The following SOS2 variants were observed in gnomAD, a reference collection of about 807,000 sequenced individuals.
SOS2 encodes the protein SOS Ras/Rho guanine nucleotide exchange factor 2.
A neutral mutation model predicts 148.2 loss-of-function variants in SOS2; 65 were observed. The ratio of observed to expected loss-of-function variants is 0.44; its 90% CI spans 0.36 to 0.54. SOS2 has a LOEUF of 0.54. Ranked by LOEUF, SOS2 falls within the 20% of genes least tolerant of loss-of-function variation. The pLI is 0.00. For missense variants in SOS2, 1,341 were observed against 1,590.2 expected, an observed-to-expected ratio of 0.84 and a Z score of 2.67; for synonymous variants, 539 against 537.1, an observed-to-expected ratio of 1.00 and a Z score of -0.05.
At chr14:50,164,607 G>C (rs116298869) in intron 8 of SOS2, among the ~76,000 whole-genome samples, 2,033 of 151,524 alleles carry the variant, frequency 0.013, 40 homozygotes, top group African/African-American at 0.045. Flanking sequence ...CTCCAGCCTG[G>C]GTGATAAGGC....
At chr14:50,213,503 C>G (rs1376057110) in intron 1 of SOS2, among the ~76,000 whole-genome samples, 1 of 151,966 alleles carries the variant, frequency 6.6e-6, no homozygotes. Flanking sequence ...AGTTCAAGAC[C>G]AGCCTGGCCT....
chr14:50,118,972 T>A, intron 22 of SOS2, 119 bp from the exon 23 acceptor site: 1 of 570,548 alleles, frequency 1.8e-6, no homozygotes, highest in Non-Finnish European at 2.9e-6. Flanking sequence ...TAAACTAATC[T>A]GGGTTAATTA....
At chr14:50,158,868 C>A (rs927967074) in intron 10 of SOS2, among the ~76,000 whole-genome samples, 1 of 151,892 alleles carries the variant, frequency 6.6e-6, no homozygotes, top group Non-Finnish European at 1.5e-5. Flanking sequence ...CCTTAATAAG[C>A]GAGGATTGTT....
Position 50,187,185 on chromosome 14 carries a change from A to T in SOS2, c.714+1312T>A, listed in dbSNP as rs112119463. On this transcript the variant is annotated intron_variant, in intron 5 of 22. Coordinates refer to ENST00000216373, the MANE Select transcript of SOS2 (RefSeq NM_006939.4). ...GCCATCATGCCCAGCTAAATTTTAAATTTTTTTGTAGAGACTGGGTCTTGC... is the reference window on the plus strand; with the variant it reads ...GCCATCATGCCCAGCTAAATTTTAATTTTTTTTGTAGAGACTGGGTCTTGC... 2.5e-3 allele frequency among the ~76,000 whole-genome samples: 387 copies of T among 151,788 alleles called. 4 individuals are homozygous for T. Among genetic ancestry groups the T allele is most frequent in the African/African-American group, 8.6e-3 (357 of 41,410 alleles).
At chr14:50,229,290 GT>G (rs1322754298) in intron 1 of SOS2, among the ~76,000 whole-genome samples, 3 of 152,038 alleles carry the variant, frequency 2.0e-5, no homozygotes, top group African/African-American at 7.3e-5. Flanking sequence ...ACAACAGTAA[GT>G]TAATAGAAAA....
chr14:50,186,229 G>C (rs1447680504), intron 5 of SOS2, among the ~76,000 whole-genome samples: 1 of 152,016 alleles, frequency 6.6e-6, no homozygotes, highest in African/African-American at 2.4e-5. Context: ...AGATAAAAAA[G>C]GGATTCACTC....
chr14:50,123,380 C>CTTT (rs34222143), intron 21 of SOS2, among the ~76,000 whole-genome samples: 55 of 118,454 alleles, frequency 4.6e-4, no homozygotes, highest in African/African-American at 7.0e-4. Context: ...CACCAGAGGG[C>CTTT]TTTTTTTTTT....
At chr14:50,182,710 G>A in intron 5 of SOS2, 104 bp from the exon 6 acceptor site, 5 of 808,344 alleles carry the variant, frequency 6.2e-6, no homozygotes, top group Non-Finnish European at 9.8e-6. Flanking sequence ...GACTGCCTAT[G>A]GAATAGCCCT....
chr14:50,161,438 C>T (rs762460097), intron 9 of SOS2, 44 bp downstream of exon 9: 11 of 1,534,588 alleles, frequency 7.2e-6, no homozygotes, highest in South Asian at 3.6e-5. Context: ...TCAGAGACAG[C>T]GAAGTAAGCA....
chr14:50,224,314 T>TATATACACAC (rs1281779995), intron 1 of SOS2, among the ~76,000 whole-genome samples: 4 of 101,032 alleles, frequency 4.0e-5, no homozygotes, highest in African/African-American at 1.7e-4. Flanking sequence ...AATATATATA[T>TATATACACAC]ACACACACAC....
In SOS2 at chr14:50,225,569, A is replaced by G. The variant is rs552780220; in HGVS notation, c.87+5628T>C. Among the ~76,000 whole-genome samples, 38 of 152,356 alleles carry G rather than the reference A, an allele frequency of 2.5e-4. 2 individuals carry two copies. In the East Asian group the frequency reaches 6.7e-3, roughly 27 times the overall value. ...CAGGGAGCCAAGTACAGCAAGTTAA[A>G]GTACATTCCTACCGCTCATCTAGTT... is the stretch of plus-strand genomic sequence containing the variant. On this transcript the variant is annotated intron_variant, in intron 1 of 22. Transcript: ENST00000216373.
chr14:50,126,946 G>A (rs1256441019), intron 21 of SOS2, among the ~76,000 whole-genome samples: 2 of 151,542 alleles, frequency 1.3e-5, no homozygotes, highest in South Asian at 4.2e-4. Context: ...GCAGTTCATT[G>A]TGAAGCTGTA....
rs545603324 is a variant in SOS2 at position 50,158,820 on chromosome 14, T to C, written c.1853-174A>G. Among the ~76,000 whole-genome samples the C allele has an allele frequency of 9.9e-5, 15 of 152,280 alleles. 1 individual carries two copies. The East Asian group carries it at 1.9e-3, about 20-fold the overall frequency. On this transcript the variant is annotated intron_variant, in intron 10 of 22. Transcript: ENST00000216373. ...GATACCATGGTATCCCTGCCATACATAGAGAAATACTGACATAGAGAATAT... is the reference window on the plus strand; with the variant it reads ...GATACCATGGTATCCCTGCCATACACAGAGAAATACTGACATAGAGAATAT...
intron 8 of SOS2, among the ~76,000 whole-genome samples, chr14:50,171,862 T>G (rs188090834): frequency 1.3e-5 from 2 of 152,240 alleles, no homozygotes; most frequent in East Asian, 3.9e-4. Context: ...GAACCACAAT[T>G]TATTTACCCT....
At chr14:50,217,417 G>A (rs1887068060) in intron 1 of SOS2, among the ~76,000 whole-genome samples, 3 of 152,120 alleles carry the variant, frequency 2.0e-5, no homozygotes, top group Admixed American at 2.0e-4. Context: ...TTCTAGAACA[G>A]GCTAGGTATG....
chr14:50,167,894 G>A (rs1381827321), intron 8 of SOS2, among the ~76,000 whole-genome samples: 1 of 151,784 alleles, frequency 6.6e-6, no homozygotes, highest in Non-Finnish European at 1.5e-5. Context: ...AAAAAAGTGA[G>A]TCCAGGTGAA....
At chr14:50,229,085 C>T (rs930149579) in intron 1 of SOS2, among the ~76,000 whole-genome samples, 1 of 152,084 alleles carries the variant, frequency 6.6e-6, no homozygotes, top group African/African-American at 2.4e-5. Context: ...CTGATGCATA[C>T]CAGAATTTAA....
At chr14:50,165,656 G>A (rs1425376132) in intron 8 of SOS2, among the ~76,000 whole-genome samples, 4 of 152,104 alleles carry the variant, frequency 2.6e-5, no homozygotes, top group South Asian at 2.1e-4. Context: ...CTAGGGACAC[G>A]TTTTATTCCT....
At chr14:50,142,660 G>C (rs984790030) in intron 16 of SOS2, among the ~76,000 whole-genome samples, 21 of 152,126 alleles carry the variant, frequency 1.4e-4, no homozygotes, top group African/African-American at 5.1e-4. Context: ...TTGTTGTATA[G>C]CTGAACAATA....
Sources: gnomAD v4.1 joint callset for allele counts (sites outside exome capture counted in the v4.1 genomes callset) on GRCh38, gnomAD v4.1.1 for gene constraint, MANE v1.5 for transcripts, NCBI Gene and HGNC (gene_info 2026-07-23, HGNC 2026-07-21) for gene names.